Variants in ZNF112 observed in about 807,000 individuals in gnomAD.
ZNF112 encodes the protein zinc finger protein 112 (Y14).
In ZNF112, 37 loss-of-function variants were observed where a neutral mutation model predicts 77.7. The observed-to-expected ratio is 0.48, with a 90% CI of 0.37 to 0.63. The LOEUF is 0.63. Ranked by LOEUF, ZNF112 falls within the 20% of genes least tolerant of loss-of-function variation. ZNF112 has a pLI of 0.00. For synonymous variants in ZNF112, 333 were observed against 363.6 expected, an observed-to-expected ratio of 0.92 and a Z score of 0.96; for missense variants, 950 against 1,077.4, an observed-to-expected ratio of 0.88 and a Z score of 1.66.
At position 44,327,667 on chromosome 19, in the gene ZNF112, C is replaced by T; in HGVS notation, c.2490G>A (p.Glu830=). ...TCTGACTGAAGCCCTTTCCACATACCTCACATTTGTATGGTTTCTCTCCTG... is the reference window on the plus strand; with the variant it reads ...TCTGACTGAAGCCCTTTCCACATACTTCACATTTGTATGGTTTCTCTCCTG... ...VHTGEKPYKC[E]VCGKGFSQRS... Residue 830 remains glutamate (E), a synonymous_variant, in exon 4 of 4, where the codon GAG becomes GAA. Coordinates refer to ENST00000354340, the MANE Select transcript of ZNF112 (RefSeq NM_013380.4). The T allele has an allele frequency of 6.2e-7, 1 of 1,613,520 alleles. No individual in the cohort carries two copies. The highest frequency in any genetic ancestry group is 1.1e-5 in the South Asian group (1 of 91,052).
In ZNF112 at chr19:44,329,735, A is replaced by G. The variant is rs151122657; in HGVS notation, c.422T>C (p.Ile141Thr). The G allele has an allele frequency of 4.1e-5, 66 of 1,614,104 alleles. 1 individual carries two copies. The African/African-American group carries it at 7.6e-4, about 19-fold the overall frequency. The change falls in exon 4 of 4, where the codon ATA (isoleucine) becomes ACA (threonine). Residue 141 changes from isoleucine (I) to threonine (T), a missense_variant. By Grantham distance (89) the Ile-to-Thr change is moderately conservative (BLOSUM62 -1). Coordinates refer to ENST00000354340, the MANE Select transcript of ZNF112 (RefSeq NM_013380.4). ...GNSLGQVWAG[I>T]PVQISEDKNY... ...CTTATCTTCAGAAATCTGAACTGGT[A>G]TTCCTGCCCAAACCTGGCCGAGGGA...
intron 1 of ZNF112, among the ~76,000 whole-genome samples, chr19:44,350,186 C>T (rs973612797): frequency 1.8e-4 from 27 of 152,168 alleles, no homozygotes; most frequent in African/African-American, 6.5e-4. Context: ...TATGGTTACT[C>T]ATTGTATTCT....
chr19:44,358,393 T>C (rs1970820008), upstream of ZNF112, among the ~76,000 whole-genome samples: 1 of 152,172 alleles, frequency 6.6e-6, no homozygotes, highest in African/African-American at 2.4e-5. Context: ...AACAAACATC[T>C]GGCAGAGGAA....
chr19:44,334,592 G>T (rs1013204144), intron 3 of ZNF112, among the ~76,000 whole-genome samples: 1 of 152,262 alleles, frequency 6.6e-6, no homozygotes. Context: ...ATAGTTCTGT[G>T]GCTCAGGCCC....
chr19:44,361,778 C>G (rs1167779432), intron 1 of ZNF112, among the ~76,000 whole-genome samples: 1 of 152,122 alleles, frequency 6.6e-6, no homozygotes, highest in East Asian at 1.9e-4. Context: ...ATGTAAACCA[C>G]AGACTTTAAT....
At chr19:44,338,074 A>G (rs1970421867) in intron 2 of ZNF112, among the ~76,000 whole-genome samples, 1 of 151,578 alleles carries the variant, frequency 6.6e-6, no homozygotes, top group African/African-American at 2.4e-5. Flanking sequence ...AAAGTGCTCA[A>G]AAAAAAAATT....
intron 1 of ZNF112, among the ~76,000 whole-genome samples, chr19:44,346,384 G>T (rs1188855962): frequency 6.6e-6 from 1 of 152,176 alleles, no homozygotes; most frequent in Non-Finnish European, 1.5e-5. Context: ...AATAAAATCT[G>T]ATCAATGTTA....
chr19:44,343,667 G>A (rs1970534039), intron 1 of ZNF112, among the ~76,000 whole-genome samples: 1 of 152,206 alleles, frequency 6.6e-6, no homozygotes, highest in East Asian at 1.9e-4. Flanking sequence ...TACTTGCTGA[G>A]TAACCATGGT....
exon 1 of ZNF112, chr19:44,367,103 A>C (rs780514112): frequency 2.2e-6 from 1 of 456,074 alleles, no homozygotes; most frequent in South Asian, 1.5e-5. Flanking sequence ...CCCATCTTCC[A>C]CTGCTAGCCG....
chr19:44,357,396 T>A (rs1309104552), upstream of ZNF112, among the ~76,000 whole-genome samples: 1 of 152,054 alleles, frequency 6.6e-6, no homozygotes, highest in Non-Finnish European at 1.5e-5. Context: ...TTAAAGGAAA[T>A]TGGGCTGATT....
chr19:44,366,283 C>T (rs1368399250), intron 1 of ZNF112, among the ~76,000 whole-genome samples: 4 of 152,150 alleles, frequency 2.6e-5, no homozygotes, highest in Non-Finnish European at 2.9e-5. Context: ...GTGGTCTGTA[C>T]AGAATTCTTT....
intron 1 of ZNF112, among the ~76,000 whole-genome samples, chr19:44,349,366 A>AG (rs1970652265): frequency 6.7e-6 from 1 of 149,744 alleles, no homozygotes; most frequent in East Asian, 1.9e-4. Context: ...GCCAAACACA[A>AG]GAAAAAAAAA....
intron 1 of ZNF112, chr19:44,367,029 A>G (rs1047260610): frequency 2.2e-6 from 1 of 454,808 alleles, no homozygotes; most frequent in East Asian, 6.9e-5. Context: ...AATACAAGAG[A>G]TCCTCAACCC....
intron 1 of ZNF112, among the ~76,000 whole-genome samples, chr19:44,361,917 C>G (rs1970858352): frequency 1.0e-5 from 1 of 98,798 alleles, no homozygotes; most frequent in South Asian, 2.9e-4. Context: ...CTCAGTTTTT[C>G]TGAGCAGTTT....
At chr19:44,331,757 T>C (rs571489496) in intron 3 of ZNF112, among the ~76,000 whole-genome samples, 1 of 152,326 alleles carries the variant, frequency 6.6e-6, no homozygotes, top group African/African-American at 2.4e-5. Flanking sequence ...AATCATAGTT[T>C]GAGTTGCTCT....
upstream of ZNF112, among the ~76,000 whole-genome samples, chr19:44,360,019 G>A (rs1970839444): frequency 6.6e-6 from 1 of 151,886 alleles, no homozygotes; most frequent in African/African-American, 2.4e-5. Flanking sequence ...CACTTTGTGG[G>A]GCTAAGGCAA....
In ZNF112 at chr19:44,336,608, C is replaced by T. The variant is rs746584028; in HGVS notation, c.220+15G>A. The T allele has an allele frequency of 1.2e-6, 2 of 1,605,356 alleles. No homozygotes were observed. The highest frequency in any genetic ancestry group is 8.5e-7 in the Non-Finnish European group (1 of 1,172,062). On this transcript the variant is annotated intron_variant, in intron 3 of 3. Coordinates refer to ENST00000354340, the MANE Select transcript of ZNF112 (RefSeq NM_013380.4). ...GGGCTCCCTGGCTGCTGTGTTCCTG[C>T]AGCACAGTTCTCACCTGAACATCCA...
chr19:44,333,082 G>T (rs1487832517), intron 3 of ZNF112, among the ~76,000 whole-genome samples: 2 of 152,184 alleles, frequency 1.3e-5, no homozygotes, highest in African/African-American at 4.8e-5. Context: ...AGAAGGTTGA[G>T]AATTTATTAC....
At position 44,329,237 on chromosome 19, in the gene ZNF112, A is replaced by G. The variant is rs1354716105; in HGVS notation, c.920T>C (p.Ile307Thr). The change falls in exon 4 of 4, where the codon ATT becomes ACT. Residue 307 changes from isoleucine (I) to threonine (T), a missense_variant. By Grantham distance (89) the Ile-to-Thr change is moderately conservative. Around this residue, in one of 3 missense-constraint regions of ZNF112, gnomAD observed 560 missense variants for 557.3 expected, o/e 1.00. Transcript: ENST00000354340. ...ATAGGATTTCAGATGTGAATTCTCA[A>G]TATCATCTTCTCTCTCAATATTTTG... is the stretch of plus-strand genomic sequence containing the variant. ...IHQNIEREDD[I>T]ENSHLKSYQR... 7.4e-6 allele frequency: 12 copies of G among 1,613,892 alleles called. No individual in the cohort carries two copies. The highest frequency in any genetic ancestry group is 1.1e-5 in the South Asian group (1 of 91,076).
Sources: allele counts gnomAD v4.1 joint callset (sites outside exome capture counted in the v4.1 genomes callset), GRCh38; gene constraint gnomAD v4.1.1; regional missense constraint gnomAD v4.1.1; transcripts MANE v1.5; gene names NCBI Gene and HGNC (gene_info 2026-07-23, HGNC 2026-07-21).